MGAM: variants seen among roughly 807,000 people sequenced by gnomAD.
MGAM encodes alpha-1,4-glucosidase.
A neutral mutation model predicts 358.8 loss-of-function variants in MGAM; 253 were observed. The observed-to-expected ratio is 0.71, with a 90% CI of 0.64 to 0.78. The LOEUF (loss-of-function observed/expected upper bound fraction) is 0.78, where lower values mean the gene tolerates loss of function less well. Among genes scored for constraint, MGAM ranks in the 30% least tolerant of loss-of-function variants. The probability of loss-of-function intolerance (pLI) is 0.00; values close to 1 mark genes in which losing one functional copy is unlikely to be tolerated. For missense variants in MGAM, 3,080 were observed against 3,432.6 expected (o/e 0.90, Z 2.57); for synonymous variants, 1,105 against 1,227.1 (o/e 0.90, Z 2.08).
chr7:142,076,430 G>A, intron 46 of MGAM, 178 bp downstream of exon 46: 1 of 869,960 alleles, frequency 1.1e-6, no homozygotes, highest in South Asian at 1.4e-5. Flanking sequence ...AATATAGCAA[G>A]TAGTGTTTCT....
rs979677459 is a variant in MGAM at position 142,053,104 on chromosome 7, T to C, written c.3159+120T>C. ...CATGCTACAACAGACTATATCATTA[T>C]CCAGAGAGCATTGAGAAATCATTGA... On this transcript the variant is annotated intron_variant, in intron 26 of 70. Transcript: ENST00000475668. 7.4e-5 allele frequency: 84 copies of C among 1,134,264 alleles called. 1 individual carries two copies. In the African/African-American group the frequency reaches 1.1e-3, roughly 15 times the overall value. The allele number at this position is 1,134,264 out of a possible 1,614,324, so 70.3% of individuals were successfully genotyped here. A position where few individuals can be genotyped will look rare whatever the true frequency, so the allele number is the denominator to read the frequency against.
At chr7:142,018,684 T>G (rs868981023) in intron 3 of MGAM, among the ~76,000 whole-genome samples, 53 of 152,222 alleles carry the variant, frequency 3.5e-4, no homozygotes, top group African/African-American at 1.2e-3. Flanking sequence ...AAGACTACTT[T>G]CTGCCTCTGG....
rs577536555 is a variant in MGAM at position 142,052,183 on chromosome 7, T to G, written c.2806-111T>G. ...GCTAAAGTCATATGTTGCTTGGATG[T>G]TTGAAAGTCTGGTCTAATTTCTATT... On this transcript the variant is annotated intron_variant, in intron 24 of 70. Transcript: ENST00000475668. 1.5e-4 allele frequency: 135 copies of G among 922,154 alleles called. 4 individuals are homozygous for G. In the South Asian group the frequency reaches 2.1e-3, roughly 14 times the overall value. The allele number at this position is 922,154 out of a possible 1,614,324, so 57.1% of individuals were successfully genotyped here.
intron 26 of MGAM, 36 bp downstream of exon 26, chr7:142,053,020 C>A (rs1811167031): frequency 6.3e-7 from 1 of 1,599,350 alleles, no homozygotes; most frequent in Non-Finnish European, 8.6e-7. Flanking sequence ...GTGATTAGAC[C>A]CTTTTCAGTT....
rs1584965088 is a variant in MGAM, at chr7:142,040,310, C to A, written c.2373+139C>A. On this transcript the variant is annotated intron_variant, in intron 20 of 70. Coordinates refer to ENST00000475668, the MANE Select transcript of MGAM (RefSeq NM_001365693.1). ...TGTTTTCTGTAATTTCATAGCAGAACCTGGGTAAAGTTAACCTAAACCGTT... is the reference window on the plus strand; with the variant it reads ...TGTTTTCTGTAATTTCATAGCAGAAACTGGGTAAAGTTAACCTAAACCGTT... The A allele has an allele frequency of 2.0e-5, 14 of 704,848 alleles. No homozygotes were observed. The South Asian group carries it at 2.4e-4, about 12-fold the overall frequency. The allele number at this position is 704,848 out of a possible 1,614,324, so 43.7% of individuals were successfully genotyped here.
Position 142,076,415 on chromosome 7 carries a change from G to A in MGAM, c.5325+163G>A, listed in dbSNP as rs759741909. 1.7e-5 allele frequency: 15 copies of A among 907,836 alleles called. 2 individuals carry two copies. In the African/African-American group the frequency reaches 1.9e-4, roughly 12 times the overall value. 56.2% of individuals were successfully genotyped at this position (907,836 alleles called of 1,614,324 possible). A position where few individuals can be genotyped will look rare whatever the true frequency, so the allele number is the denominator to read the frequency against. On this transcript the variant is annotated intron_variant, in intron 46 of 70. Coordinates refer to ENST00000475668, the MANE Select transcript of MGAM (RefSeq NM_001365693.1). ...ATTTCATCGATGTTTTCAAAAGGAGGCATTAATATAGCAAGTAGTGTTTCT... is the reference window on the plus strand; with the variant it reads ...ATTTCATCGATGTTTTCAAAAGGAGACATTAATATAGCAAGTAGTGTTTCT...
chr7:142,042,060 CATATA>C (rs1255041528), intron 21 of MGAM, among the ~76,000 whole-genome samples: 1 of 46,624 alleles, frequency 2.1e-5, no homozygotes, highest in East Asian at 6.0e-4. Flanking sequence ...AATATATATA[CATATA>C]ATATATAACA....
At chr7:142,030,319 G>T (rs782424815) in intron 10 of MGAM, 43 bp from the exon 11 acceptor site, 3 of 1,596,786 alleles carry the variant, frequency 1.9e-6, no homozygotes, top group Admixed American at 3.5e-5. Flanking sequence ...TTTTACTATG[G>T]AAATTCCTAG....
chr7:142,102,605 T>G, intron 68 of MGAM, 25 bp from the exon 69 acceptor site: 1 of 1,609,484 alleles, frequency 6.2e-7, no homozygotes, highest in East Asian at 2.2e-5. Context: ...GTCCAGGCCA[T>G]GTTTATCTTG....
upstream of MGAM, among the ~76,000 whole-genome samples, chr7:141,994,230 C>T (rs941506196): frequency 1.3e-5 from 2 of 152,176 alleles, no homozygotes; most frequent in East Asian, 1.9e-4. Context: ...ATAAGTTCTT[C>T]TTGCCCACTG....
In MGAM at chr7:142,054,869, T is replaced by A; in HGVS notation, c.3275T>A (p.Phe1092Tyr). ...LYDVLIKKNPFGIEIRRKSTG... is the reference protein window; with the variant it reads ...LYDVLIKKNPYGIEIRRKSTG... ...GATGTGCTCATTAAGAAGAATCCAT[T>A]TGGGATTGAAATTCGCCGGAAGAGT... The change falls in exon 27 of 71, where the codon TTT becomes TAT. Residue 1092 changes from phenylalanine to tyrosine, a missense_variant. By Grantham distance (22) the Phe-to-Tyr change is conservative. This residue lies in a region of MGAM where 1,816 missense variants were observed against 1,840.5 expected (regional missense o/e 0.99). Coordinates refer to ENST00000475668, the MANE Select transcript of MGAM (RefSeq NM_001365693.1). 2 of 1,613,868 alleles carry A rather than the reference T, an allele frequency of 1.2e-6. No homozygotes were observed. The highest frequency in any genetic ancestry group is 1.7e-6 in the Non-Finnish European group (2 of 1,179,806).
intron 18 of MGAM, among the ~76,000 whole-genome samples, chr7:142,037,580 T>A (rs1295959427): frequency 3.9e-5 from 6 of 152,192 alleles, no homozygotes; most frequent in African/African-American, 1.4e-4. Context: ...ATCAGGCTAT[T>A]ATATATTCAT....
intron 1 of MGAM, among the ~76,000 whole-genome samples, chr7:141,998,219 G>A (rs147537439): frequency 0.013 from 1,996 of 152,176 alleles, 21 homozygotes; most frequent in South Asian, 0.027. Context: ...TTGCTTTTGC[G>A]TAATGTATAT....
chr7:142,059,350 G>C (rs1054415291), intron 31 of MGAM, 122 bp from the exon 32 acceptor site: 19 of 1,449,912 alleles, frequency 1.3e-5, no homozygotes, highest in African/African-American at 4.3e-5. Context: ...TGGCAGAGCT[G>C]GGATTTGAAT....
chr7:142,093,652 A>C (rs2129060279), intron 60 of MGAM, 102 bp downstream of exon 60: 1 of 1,236,258 alleles, frequency 8.1e-7, no homozygotes, highest in East Asian at 2.6e-5. Context: ...CTAAGGGTTA[A>C]GAAGATTCTC....
chr7:142,027,823 T>C lies in MGAM; in HGVS notation c.1221+88T>C, dbSNP rs181586259. ...TGTTTATATTTTCTCTCCCTGAGTT[T>C]AATTGATTTATTTATTTGGTAATGA... On this transcript the variant is annotated intron_variant, in intron 10 of 70. Coordinates refer to ENST00000475668, the MANE Select transcript of MGAM (RefSeq NM_001365693.1). 18 of 1,338,384 alleles carry C rather than the reference T, an allele frequency of 1.3e-5. No individual in the cohort carries two copies. The East Asian group carries it at 4.4e-4, about 33-fold the overall frequency. 82.9% of individuals were successfully genotyped at this position (1,338,384 alleles called of 1,614,324 possible).
intron 21 of MGAM, among the ~76,000 whole-genome samples, chr7:142,042,806 T>C (rs1195236283): frequency 1.3e-3 from 93 of 70,588 alleles, no homozygotes; most frequent in African/African-American, 4.6e-3. Flanking sequence ...ATATAATATC[T>C]AAATATAATA....
intron 10 of MGAM, 78 bp from the exon 11 acceptor site, chr7:142,030,284 T>A: frequency 1.4e-6 from 2 of 1,455,166 alleles, no homozygotes; most frequent in Non-Finnish European, 9.4e-7. Context: ...TTATCCTGAA[T>A]AATAACAGTG....
At chr7:142,029,314 C>T (rs10250665) in intron 10 of MGAM, among the ~76,000 whole-genome samples, 29,351 of 151,762 alleles carry the variant, frequency 0.19, 4,220 homozygotes, top group African/African-American at 0.39. Flanking sequence ...GAGCTGAGAT[C>T]GTGCCACTGT....
Sources: allele counts gnomAD v4.1 joint callset (sites outside exome capture counted in the v4.1 genomes callset), GRCh38; gene constraint gnomAD v4.1.1; regional missense constraint gnomAD v4.1.1; transcripts MANE v1.5; gene names NCBI Gene and HGNC (gene_info 2026-07-23, HGNC 2026-07-21).